Variants in SUGCT observed in about 807,000 individuals in gnomAD.
SUGCT encodes the protein succinyl-CoA:glutarate-CoA transferase, also known as succinyl-CoA:glutarate CoA-transferase.
A neutral mutation model predicts 55.0 loss-of-function variants in SUGCT; 41 were observed. The observed-to-expected ratio is 0.74, with a 90% CI of 0.58 to 0.97. The LOEUF (loss-of-function observed/expected upper bound fraction) is 0.97, where lower values mean the gene tolerates loss of function less well. Among genes scored for constraint, SUGCT ranks in the 50% least tolerant of loss-of-function variants. SUGCT has a pLI of 0.00. For missense variants in SUGCT, 568 were observed against 547.8 expected (o/e 1.04, Z -0.37); for synonymous variants, 187 against 200.4 (o/e 0.93, Z 0.56).
intron 11 of SUGCT, among the ~76,000 whole-genome samples, chr7:40,485,199 C>A (rs1429823698): frequency 6.6e-6 from 1 of 151,918 alleles, no homozygotes; most frequent in African/African-American, 2.4e-5. Flanking sequence ...TAACCCAAAT[C>A]TATTCAAAAC....
At chr7:40,640,261 T>C (rs1800211675) in intron 12 of SUGCT, among the ~76,000 whole-genome samples, 1 of 152,216 alleles carries the variant, frequency 6.6e-6, no homozygotes, top group Non-Finnish European at 1.5e-5. Context: ...TGTTTATACC[T>C]TTAGTATGTT....
In SUGCT at chr7:40,352,668, C is replaced by G. The variant is rs557733693; in HGVS notation, c.816+35813C>G. Among the ~76,000 whole-genome samples the G allele has an allele frequency of 3.9e-5, 6 of 152,238 alleles. No individual in the cohort carries two copies. In the South Asian group the frequency reaches 1.2e-3, roughly 32 times the overall value. On this transcript the variant is annotated intron_variant, in intron 9 of 13. Transcript: ENST00000335693. ...GGCTGTGAAATATTCCATGCTTTAT[C>G]CAGTCTACCATTGATGGGCATTTAG...
intron 8 of SUGCT, among the ~76,000 whole-genome samples, chr7:40,304,395 CT>C (rs939111598): frequency 3.0e-4 from 44 of 147,102 alleles, no homozygotes; most frequent in Non-Finnish European, 3.9e-4. Flanking sequence ...TGGGCCAATT[CT>C]TTTTTTTTTA....
At chr7:40,287,865 A>G (rs1397135503) in intron 8 of SUGCT, among the ~76,000 whole-genome samples, 16 of 152,102 alleles carry the variant, frequency 1.1e-4, no homozygotes, top group Admixed American at 1.0e-3. Context: ...TGTTTTTATC[A>G]TGAAAGAGTG....
chr7:40,656,113 G>A (rs1801008844), intron 12 of SUGCT, among the ~76,000 whole-genome samples: 1 of 151,938 alleles, frequency 6.6e-6, no homozygotes, highest in Non-Finnish European at 1.5e-5. Context: ...AGATAAGAAT[G>A]ATCCATATTT....
chr7:40,555,508 T>C (rs755661134), intron 12 of SUGCT, among the ~76,000 whole-genome samples: 1 of 152,096 alleles, frequency 6.6e-6, no homozygotes, highest in Non-Finnish European at 1.5e-5. Flanking sequence ...TAGCGCTTGG[T>C]TGAGCTTTCA....
the SUGCT span, among the ~76,000 whole-genome samples, chr7:40,975,614 C>T: frequency 0.013 from 2,049 of 152,206 alleles, 43 homozygotes; most frequent in African/African-American, 0.047. Flanking sequence ...GCTTCTTTTC[C>T]AGGCATAACA....
intron 1 of SUGCT, among the ~76,000 whole-genome samples, chr7:40,138,127 T>G (rs1787791750): frequency 6.6e-6 from 1 of 152,186 alleles, no homozygotes; most frequent in Non-Finnish European, 1.5e-5. Flanking sequence ...CAACCTCCTG[T>G]AGTCCATCCC....
chr7:40,796,157 G>C (rs1256461941), intron 13 of SUGCT, among the ~76,000 whole-genome samples: 1 of 152,076 alleles, frequency 6.6e-6, no homozygotes, highest in Non-Finnish European at 1.5e-5. Context: ...AAACCACACA[G>C]TGTGTTGAGC....
At chr7:40,156,192 G>A (rs1166555468) in intron 1 of SUGCT, among the ~76,000 whole-genome samples, 1 of 152,084 alleles carries the variant, frequency 6.6e-6, no homozygotes, top group Non-Finnish European at 1.5e-5. Flanking sequence ...GACTGGGCGT[G>A]GTGGCTCACA....
At chr7:40,259,213 A>C (rs4346901) in intron 7 of SUGCT, among the ~76,000 whole-genome samples, 1 of 152,190 alleles carries the variant, frequency 6.6e-6, no homozygotes, top group Non-Finnish European at 1.5e-5. Flanking sequence ...ATTTAGCTAG[A>C]AGGAATAAGT....
At chr7:40,223,153 T>C (rs953554608) in intron 6 of SUGCT, among the ~76,000 whole-genome samples, 6 of 151,862 alleles carry the variant, frequency 4.0e-5, no homozygotes, top group Non-Finnish European at 7.4e-5. Flanking sequence ...CTCCGCCTCC[T>C]GTGTTCAAGC....
At chr7:40,682,666 T>G (rs1455841748) in intron 12 of SUGCT, among the ~76,000 whole-genome samples, 2 of 152,142 alleles carry the variant, frequency 1.3e-5, no homozygotes, top group East Asian at 3.9e-4. Flanking sequence ...AAAAACACTT[T>G]GTTTTTTTTC....
Position 40,324,247 on chromosome 7 carries a change from A to AT in SUGCT, c.816+7392_816+7393insT, listed in dbSNP as rs1491528580. Among the ~76,000 whole-genome samples, 641 of 111,062 alleles carry AT rather than the reference A, an allele frequency of 5.8e-3. 13 individuals carry two copies. The highest frequency in any genetic ancestry group is 0.028 in the Middle Eastern group (6 of 214). 72.9% of individuals were successfully genotyped at this position (111,062 alleles called of 152,430 possible). Reference sequence around the variant, plus strand: ...TGATCATATATATAAATAAATAAATAAATAAATATATATATATTTATTTTT... The same window carrying AT: ...TGATCATATATATAAATAAATAAATATAATAAATATATATATATTTATTTTT... On this transcript the variant is annotated intron_variant, in intron 9 of 13. Transcript: ENST00000335693.
At chr7:40,301,178 A>G (rs1794516960) in intron 8 of SUGCT, among the ~76,000 whole-genome samples, 1 of 152,126 alleles carries the variant, frequency 6.6e-6, no homozygotes, top group Non-Finnish European at 1.5e-5. Flanking sequence ...CTGTTTTTCC[A>G]TGAGGACAGA....
At chr7:40,729,033 A>G (rs551790177) in intron 12 of SUGCT, among the ~76,000 whole-genome samples, 48 of 152,338 alleles carry the variant, frequency 3.2e-4, no homozygotes, top group African/African-American at 9.1e-4. Context: ...TTTAATCAGT[A>G]AAGTCTGACT....
chr7:40,803,175 G>A (rs1790910047), intron 13 of SUGCT, among the ~76,000 whole-genome samples: 1 of 152,042 alleles, frequency 6.6e-6, no homozygotes, highest in African/African-American at 2.4e-5. Flanking sequence ...TCATGGGCAA[G>A]ATAAAACTAA....
intron 13 of SUGCT, among the ~76,000 whole-genome samples, chr7:40,802,466 CCT>C (rs1790877182): frequency 6.6e-6 from 1 of 152,064 alleles, no homozygotes; most frequent in Non-Finnish European, 1.5e-5. Context: ...ATTCTGATCC[CCT>C]GTCTTGTTCA....
chr7:40,976,307 A>G, the SUGCT span, among the ~76,000 whole-genome samples: 4 of 152,320 alleles, frequency 2.6e-5, no homozygotes, highest in South Asian at 4.1e-4. Context: ...ATCCAAATAC[A>G]TGGGAGGTAT....
Sources: allele counts gnomAD v4.1 joint callset (sites outside exome capture counted in the v4.1 genomes callset), GRCh38; gene constraint gnomAD v4.1.1; transcripts MANE v1.5; gene names NCBI Gene and HGNC (gene_info 2026-07-23, HGNC 2026-07-21).